Variants in TMPRSS4 observed in about 807,000 individuals in gnomAD.
TMPRSS4 encodes transmembrane protease serine 4.
TMPRSS4 carries 45 observed loss-of-function variants against 56.4 expected under a neutral mutation model. That is an observed-to-expected ratio of 0.80 (90% CI 0.63 to 1.02). The LOEUF is 1.02. TMPRSS4 is among the 50% of genes least tolerant of loss of function. The pLI, the probability that TMPRSS4 is intolerant of heterozygous loss-of-function variation, is 0.00. For synonymous variants in TMPRSS4, 205 were observed against 211.0 expected, an observed-to-expected ratio of 0.97 and a Z score of 0.25; for missense variants, 546 against 556.7, an observed-to-expected ratio of 0.98 and a Z score of 0.19.
At chr11:118,123,556 C>T (rs570304421), downstream of TMPRSS4, among the ~76,000 whole-genome samples, 5 of 152,054 alleles carry the variant, frequency 3.3e-5, no homozygotes, top group Admixed American at 1.3e-4. Context: ...CTTGCACTGT[C>T]ACCCAGGCTG....
intron 1 of TMPRSS4, among the ~76,000 whole-genome samples, chr11:118,087,902 T>C (rs778194017): frequency 2.6e-4 from 40 of 152,196 alleles, no homozygotes; most frequent in Non-Finnish European, 4.1e-4. Context: ...AGCCCTGCAA[T>C]AGGCCCCTTT....
intron 11 of TMPRSS4, 127 bp from the exon 12 acceptor site, chr11:118,117,178 G>A (rs1462178087): frequency 2.1e-5 from 20 of 933,144 alleles, no homozygotes; most frequent in Non-Finnish European, 3.2e-5. Flanking sequence ...CAAAGAGGGT[G>A]AGGGTGGAAT....
At chr11:118,086,079 T>C (rs1440449479) in intron 1 of TMPRSS4, among the ~76,000 whole-genome samples, 2 of 152,252 alleles carry the variant, frequency 1.3e-5, no homozygotes, top group Admixed American at 6.5e-5. Context: ...CCAAGGGGCA[T>C]GTACAAATAC....
Position 118,119,184 on chromosome 11 carries a change from G to A in TMPRSS4, c.*1271G>A. 1 of 985,458 alleles carries A rather than the reference G, an allele frequency of 1.0e-6. No homozygotes were observed. Among genetic ancestry groups the A allele is most frequent in the Non-Finnish European group, 1.2e-6 (1 of 829,940 alleles). The allele number at this position is 985,458 out of a possible 1,614,324, so 61.0% of individuals were successfully genotyped here. A position where few individuals can be genotyped will look rare whatever the true frequency, so the allele number is the denominator to read the frequency against. ...TAAAACAAAACCATCAGAACTGTGA[G>A]TGGAAACTAAGGTGATGATCTGGGA... On this transcript the variant is annotated 3_prime_UTR_variant, in exon 13 of 13. Transcript: ENST00000437212.
rs115260688 is a variant in TMPRSS4, at chr11:118,107,732, C to T, written c.441-42C>T. The T allele has an allele frequency of 5.6e-4, 882 of 1,575,842 alleles. 5 individuals carry two copies. The African/African-American group carries it at 0.01, about 18-fold the overall frequency. On this transcript the variant is annotated intron_variant, in intron 5 of 12. Coordinates refer to ENST00000437212, the MANE Select transcript of TMPRSS4 (RefSeq NM_019894.4). Reference sequence around the variant, plus strand: ...AACTCTACCATCTTGTTCTAACCCCCTGCCCCAGCTCACAACTCTCTCTCC... The same window carrying T: ...AACTCTACCATCTTGTTCTAACCCCTTGCCCCAGCTCACAACTCTCTCTCC...
At chr11:118,099,211 C>T (rs1420077916) in intron 3 of TMPRSS4, 113 bp downstream of exon 3, 7 of 811,252 alleles carry the variant, frequency 8.6e-6, no homozygotes, top group East Asian at 5.5e-5. Flanking sequence ...GCCCTCACCC[C>T]CTCAGTAAGA....
chr11:118,083,729 ATTG>A (rs888911737), intron 1 of TMPRSS4, among the ~76,000 whole-genome samples: 2 of 152,298 alleles, frequency 1.3e-5, no homozygotes, highest in South Asian at 2.1e-4. Context: ...GTAAACTATT[ATTG>A]TTGTTGTTAT....
chr11:118,092,143 T>C (rs576311321), intron 1 of TMPRSS4, among the ~76,000 whole-genome samples: 1 of 152,286 alleles, frequency 6.6e-6, no homozygotes, highest in African/African-American at 2.4e-5. Flanking sequence ...AGCCCTGTGA[T>C]AAACACCTGT....
chr11:118,115,210 C>A lies in TMPRSS4; in HGVS notation c.1082C>A (p.Ala361Glu), dbSNP rs774806283. The change falls in exon 11 of 13, where the codon GCG (alanine) becomes GAG (glutamate). Residue 361 changes from alanine (A) to glutamate (E), a missense_variant. Physicochemically the swap from Ala to Glu is moderately radical, Grantham distance 107. Transcript: ENST00000437212. ...AGCACACGGTGCAATGCAGACGATG[C>A]GTACCAGGGGGAAGTCACCGAGAAG... The part of the protein sequence containing the change: ...IDSTRCNADD[A>E]YQGEVTEKMM... 7.4e-6 allele frequency: 12 copies of A among 1,612,722 alleles called. No individual in the cohort carries two copies. The South Asian group carries it at 8.9e-5, about 12-fold the overall frequency.
At chr11:118,082,675 A>G (rs552667525) in intron 1 of TMPRSS4, among the ~76,000 whole-genome samples, 3 of 152,344 alleles carry the variant, frequency 2.0e-5, no homozygotes, top group South Asian at 2.1e-4. Context: ...TAGACTTTCA[A>G]GAAGACTAAA....
intron 2 of TMPRSS4, among the ~76,000 whole-genome samples, chr11:118,096,883 G>GAA (rs1946344971): frequency 2.1e-5 from 1 of 47,926 alleles, no homozygotes; most frequent in Non-Finnish European, 4.4e-5. Flanking sequence ...AAGAAAGAAA[G>GAA]AAAGAAAGAA....
chr11:118,094,715 A>C lies in TMPRSS4; in HGVS notation c.4-101A>C, dbSNP rs1222867048. On this transcript the variant is annotated intron_variant, in intron 1 of 12. Coordinates refer to ENST00000437212, the MANE Select transcript of TMPRSS4 (RefSeq NM_019894.4). ...ACACAGAGACCCCCAACGTAGACTC[A>C]GGGAGAAGGGAATGTAGACAAGACC... The C allele has an allele frequency of 4.8e-6, 5 of 1,037,494 alleles. No individual in the cohort carries two copies. In the East Asian group the frequency reaches 1.3e-4, roughly 27 times the overall value. The allele number at this position is 1,037,494 out of a possible 1,614,324, so 64.3% of individuals were successfully genotyped here.
chr11:118,123,865 G>A (rs774456944), downstream of TMPRSS4, among the ~76,000 whole-genome samples: 12 of 152,250 alleles, frequency 7.9e-5, no homozygotes, highest in East Asian at 7.7e-4. Context: ...TCAAATGTAA[G>A]GCATGGGCTT....
At position 118,102,445 on chromosome 11, in the gene TMPRSS4, C is replaced by T. The variant is rs974584126; in HGVS notation, c.158-656C>T. Among the ~76,000 whole-genome samples the T allele has an allele frequency of 5.3e-5, 8 of 152,296 alleles. No individual in the cohort carries two copies. The South Asian group carries it at 1.5e-3, about 28-fold the overall frequency. ...CAGTAAGGCCGAGTGCGGTGGCTCA[C>T]GCCTGTAATCCCAGCACTTTGGGAG... On this transcript the variant is annotated intron_variant, in intron 3 of 12. Transcript: ENST00000437212.
chr11:118,087,838 T>G (rs1945672297), intron 1 of TMPRSS4: 2 of 152,284 alleles, frequency 1.3e-5, no homozygotes, highest in South Asian at 4.1e-4. Context: ...TGGGAACTTA[T>G]GGAAGAAAGG....
At chr11:118,096,019 G>C (rs1337483868) in intron 2 of TMPRSS4, among the ~76,000 whole-genome samples, 2 of 152,164 alleles carry the variant, frequency 1.3e-5, no homozygotes, top group African/African-American at 4.8e-5. Context: ...TTGGACACAG[G>C]AACCCATGGC....
intron 4 of TMPRSS4, among the ~76,000 whole-genome samples, chr11:118,103,819 G>C (rs183762022): frequency 1.3e-5 from 2 of 152,224 alleles, no homozygotes; most frequent in Non-Finnish European, 2.9e-5. Context: ...TGCCCCATGC[G>C]TGCTGCGCCT....
At chr11:118,125,347 A>G (rs1173400822), downstream of TMPRSS4, 1 of 456,746 alleles carries the variant, frequency 2.2e-6, no homozygotes, top group Admixed American at 2.3e-5. Flanking sequence ...CTTGTGATTC[A>G]GCAACCAGCT....
downstream of TMPRSS4, among the ~76,000 whole-genome samples, chr11:118,124,388 AAAAACAAAAC>A (rs199865357): frequency 1.3e-5 from 2 of 152,160 alleles, no homozygotes; most frequent in Non-Finnish European, 2.9e-5. Flanking sequence ...CATCTCAACA[AAAAACAAAAC>A]AAAACAAAAC....
Sources: gnomAD v4.1 joint callset for allele counts (sites outside exome capture counted in the v4.1 genomes callset) on GRCh38, gnomAD v4.1.1 for gene constraint, MANE v1.5 for transcripts, NCBI Gene and HGNC (gene_info 2026-07-23, HGNC 2026-07-21) for gene names.